The following MACROD2 variants were observed in gnomAD, a reference collection of about 807,000 sequenced individuals.
MACROD2 encodes mono-ADP ribosylhydrolase 2.
Under a neutral mutation model 70.4 loss-of-function variants are expected in MACROD2, and 36 were observed. That is an observed-to-expected ratio of 0.51 (90% CI 0.39 to 0.68). The LOEUF (loss-of-function observed/expected upper bound fraction) is 0.68. Among genes scored for constraint, MACROD2 ranks in the 30% least tolerant of loss-of-function variants. The probability of loss-of-function intolerance (pLI) is 0.00; values close to 1 mark genes in which losing one functional copy is unlikely to be tolerated. For missense variants in MACROD2, 496 were observed against 538.4 expected, an observed-to-expected ratio of 0.92 and a Z score of 0.78; for synonymous variants, 172 against 178.8, an observed-to-expected ratio of 0.96 and a Z score of 0.30.
At position 14,469,394 on chromosome 20, in the gene MACROD2, C is replaced by T. The variant is rs145681746; in HGVS notation, c.272-24085C>T. Among the ~76,000 whole-genome samples, 51 of 151,880 alleles carry T rather than the reference C, an allele frequency of 3.4e-4. 1 individual carries two copies. The highest frequency in any genetic ancestry group is 6.6e-4 in the Non-Finnish European group (45 of 67,964). On this transcript the variant is annotated intron_variant, in intron 3 of 17. Transcript: ENST00000684519. ...TTCGTTTCAACCTTGGTGAATCTGA[C>T]GATTACGTGTCTTGGGGTTGCTCTT...
At chr20:14,428,247 T>G (rs983465475) in intron 3 of MACROD2, among the ~76,000 whole-genome samples, 4 of 152,130 alleles carry the variant, frequency 2.6e-5, no homozygotes, top group Admixed American at 1.3e-4. Context: ...TCAAGATATA[T>G]GCCTATTAAA....
At chr20:15,398,543 G>A (rs73901016) in intron 6 of MACROD2, among the ~76,000 whole-genome samples, 7,463 of 152,184 alleles carry the variant, frequency 0.049, 476 homozygotes, top group African/African-American at 0.14. Flanking sequence ...AAATGCTTAC[G>A]AGAATATAAA....
chr20:15,765,148 AC>A (rs2051502266), intron 8 of MACROD2, among the ~76,000 whole-genome samples: 1 of 151,972 alleles, frequency 6.6e-6, no homozygotes, highest in African/African-American at 2.4e-5. Context: ...ATAGGCTCTT[AC>A]CCCTTGGCCT....
At chr20:15,785,173 T>TA (rs1050777542) in intron 8 of MACROD2, among the ~76,000 whole-genome samples, 12 of 137,670 alleles carry the variant, frequency 8.7e-5, no homozygotes, top group South Asian at 2.3e-4. Flanking sequence ...AAAAAAAAAT[T>TA]AAAAAAAATC....
In MACROD2 at chr20:14,833,201, A is replaced by T. The variant is rs113199036; in HGVS notation, c.418+148242A>T. Among the ~76,000 whole-genome samples, 146 of 152,296 alleles carry T rather than the reference A, an allele frequency of 9.6e-4. 1 individual carries two copies. Among genetic ancestry groups the T allele is most frequent in the African/African-American group, 3.2e-3 (135 of 41,572 alleles). ...CAAAGGATTGGATGTTCAGGCGTTTATCACTAACTCTCATTCCATACGTGG... is the reference window on the plus strand; with the variant it reads ...CAAAGGATTGGATGTTCAGGCGTTTTTCACTAACTCTCATTCCATACGTGG... On this transcript the variant is annotated intron_variant, in intron 5 of 17. Coordinates refer to ENST00000684519, the MANE Select transcript of MACROD2 (RefSeq NM_001351661.2).
intron 5 of MACROD2, among the ~76,000 whole-genome samples, chr20:14,834,177 G>A (rs1351982325): frequency 6.6e-6 from 1 of 151,170 alleles, no homozygotes; most frequent in Admixed American, 6.6e-5. Context: ...TAGGAATAAA[G>A]GCCAAAATTT....
chr20:15,043,011 C>A (rs1600990372), intron 5 of MACROD2, among the ~76,000 whole-genome samples: 1 of 152,168 alleles, frequency 6.6e-6, no homozygotes, highest in Non-Finnish European at 1.5e-5. Flanking sequence ...TTGTGTGGAA[C>A]TAGGCCTGGG....
chr20:15,259,909 G>C (rs1230245075), intron 6 of MACROD2, among the ~76,000 whole-genome samples: 1 of 151,798 alleles, frequency 6.6e-6, no homozygotes, highest in Non-Finnish European at 1.5e-5. Flanking sequence ...TTCTTCTTAG[G>C]CTGCAGGTGT....
chr20:15,732,162 G>A (rs2050953853), intron 8 of MACROD2, among the ~76,000 whole-genome samples: 2 of 151,652 alleles, frequency 1.3e-5, no homozygotes, highest in African/African-American at 4.8e-5. Flanking sequence ...TGGCAGCGGA[G>A]GGTTGAGCAG....
At chr20:14,055,696 C>T (rs779201805) in intron 2 of MACROD2, among the ~76,000 whole-genome samples, 1 of 151,404 alleles carries the variant, frequency 6.6e-6, no homozygotes, top group Non-Finnish European at 1.5e-5. Context: ...CCAGCTGTCT[C>T]TTCCACCCTC....
In MACROD2 at chr20:15,330,135, G is replaced by A. The variant is rs143615273; in HGVS notation, c.540+100074G>A. On this transcript the variant is annotated intron_variant, in intron 6 of 17. Transcript: ENST00000684519. ...TACACAAGCTAATCTGTTTCTTTGG[G>A]TCTTCATTTTCTCATGAAGTCTCCT... 2.9e-3 allele frequency among the ~76,000 whole-genome samples: 441 copies of A among 152,090 alleles called. 6 individuals carry two copies. Among genetic ancestry groups the A allele is most frequent in the South Asian group, 8.1e-3 (39 of 4,816 alleles).
chr20:14,311,879 T>C (rs368077592), intron 3 of MACROD2, among the ~76,000 whole-genome samples: 4 of 152,134 alleles, frequency 2.6e-5, no homozygotes, highest in Admixed American at 6.6e-5. Context: ...CCACCCAAAT[T>C]ATTTCAATTT....
chr20:14,224,364 G>C (rs936937968), intron 3 of MACROD2, among the ~76,000 whole-genome samples: 3 of 152,162 alleles, frequency 2.0e-5, no homozygotes, highest in Non-Finnish European at 4.4e-5. Flanking sequence ...TGCTAAGACC[G>C]TGTGCCTTTC....
chr20:14,837,597 G>A (rs1374727152), intron 5 of MACROD2, among the ~76,000 whole-genome samples: 2 of 152,014 alleles, frequency 1.3e-5, no homozygotes, highest in African/African-American at 4.8e-5. Flanking sequence ...AGGTGTCTGA[G>A]ATGGTACTAC....
intron 6 of MACROD2, among the ~76,000 whole-genome samples, chr20:15,422,330 C>G (rs528839511): frequency 6.6e-6 from 1 of 152,094 alleles, no homozygotes; most frequent in African/African-American, 2.4e-5. Context: ...GGAGAGAAAG[C>G]GTGTGGCTGT....
intron 5 of MACROD2, among the ~76,000 whole-genome samples, chr20:14,731,549 G>C (rs2071597301): frequency 6.6e-6 from 1 of 152,122 alleles, no homozygotes; most frequent in African/African-American, 2.4e-5. Context: ...TTATTTGCTA[G>C]GTAGGAGTCT....
At chr20:14,672,730 G>T (rs556120017) in intron 4 of MACROD2, among the ~76,000 whole-genome samples, 26 of 152,080 alleles carry the variant, frequency 1.7e-4, no homozygotes, top group Non-Finnish European at 3.7e-4. Flanking sequence ...CTGGCATTTT[G>T]ATTTTAAAGC....
chr20:15,848,959 A>C (rs2064265878), intron 8 of MACROD2, among the ~76,000 whole-genome samples: 1 of 152,216 alleles, frequency 6.6e-6, no homozygotes, highest in Non-Finnish European at 1.5e-5. Flanking sequence ...ATGTTCCTCT[A>C]TCTGGCATTT....
At position 15,087,175 on chromosome 20, in the gene MACROD2, G is replaced by A. The variant is rs183850897; in HGVS notation, c.419-142765G>A. Among the ~76,000 whole-genome samples, 91 of 152,106 alleles carry A rather than the reference G, an allele frequency of 6.0e-4. 1 individual carries two copies. The Middle Eastern group carries it at 0.01, about 17-fold the overall frequency. ...AAGCAGACACTTTTATATTGAGAAT[G>A]TATAGCTATCGGGACTCTATTCAAT... is the stretch of plus-strand genomic sequence containing the variant. On this transcript the variant is annotated intron_variant, in intron 5 of 17. Coordinates refer to ENST00000684519, the MANE Select transcript of MACROD2 (RefSeq NM_001351661.2).
Sources: gnomAD v4.1 joint callset for allele counts (sites outside exome capture counted in the v4.1 genomes callset) on GRCh38, gnomAD v4.1.1 for gene constraint, MANE v1.5 for transcripts, NCBI Gene and HGNC (gene_info 2026-07-23, HGNC 2026-07-21) for gene names.